The following SEM1 variants were observed in gnomAD, a reference collection of about 807,000 sequenced individuals.
SEM1 encodes 26S proteasome complex subunit SEM1.
SEM1 carries 3 observed loss-of-function variants against 12.7 expected under a neutral mutation model. That is an observed-to-expected ratio of 0.24 (90% CI 0.11 to 0.61). The LOEUF is 0.61. SEM1 is among the 20% of genes least tolerant of loss of function. The pLI, the probability that SEM1 is intolerant of heterozygous loss-of-function variation, is 0.88. For synonymous variants in SEM1, 30 were observed against 27.8 expected, an observed-to-expected ratio of 1.08 and a Z score of -0.25; for missense variants, 59 against 81.3, an observed-to-expected ratio of 0.73 and a Z score of 1.06.
At chr7:96,524,568 G>A (rs1804389272) in intron 2 of SEM1, among the ~76,000 whole-genome samples, 1 of 151,586 alleles carries the variant, frequency 6.6e-6, no homozygotes, top group Non-Finnish European at 1.5e-5. Context: ...AAATTTTCTA[G>A]TAAGTACATT....
At chr7:96,643,446 C>A (rs1157248707) in intron 2 of SEM1, among the ~76,000 whole-genome samples, 1 of 152,050 alleles carries the variant, frequency 6.6e-6, no homozygotes, top group Non-Finnish European at 1.5e-5. Flanking sequence ...GTTTGCTACA[C>A]CCATCAACCT....
intron 2 of SEM1, among the ~76,000 whole-genome samples, chr7:96,534,774 T>C (rs1804739723): frequency 6.6e-6 from 1 of 152,046 alleles, no homozygotes; most frequent in South Asian, 2.1e-4. Context: ...AAGCCAGACA[T>C]TGAAGAGATT....
intron 2 of SEM1, among the ~76,000 whole-genome samples, chr7:96,609,336 G>T (rs1467763783): frequency 6.6e-6 from 1 of 152,154 alleles, no homozygotes; most frequent in Non-Finnish European, 1.5e-5. Flanking sequence ...TTTCATCAAT[G>T]TTCCAGTGTA....
At chr7:96,521,922 A>G (rs555279788) in intron 2 of SEM1, among the ~76,000 whole-genome samples, 1 of 152,144 alleles carries the variant, frequency 6.6e-6, no homozygotes, top group Non-Finnish European at 1.5e-5. Context: ...CCCTTACACT[A>G]TAGAGTTACC....
At chr7:96,709,506 G>GC (rs1190031789) in intron 1 of SEM1, among the ~76,000 whole-genome samples, 182 bp downstream of exon 1, 15 of 152,198 alleles carry the variant, frequency 9.9e-5, no homozygotes, top group African/African-American at 3.6e-4. Context: ...GAGTCCCAGC[G>GC]CAACACCCCA....
At chr7:96,581,037 C>T (rs1449863195) in intron 2 of SEM1, among the ~76,000 whole-genome samples, 1 of 152,156 alleles carries the variant, frequency 6.6e-6, no homozygotes, top group Non-Finnish European at 1.5e-5. Context: ...GACATGAAGT[C>T]CTTGCCCATG....
At chr7:96,553,594 G>A (rs145169754) in intron 2 of SEM1, among the ~76,000 whole-genome samples, 2,525 of 152,264 alleles carry the variant, frequency 0.017, 52 homozygotes, top group East Asian at 0.071. Context: ...TTTGGTGACT[G>A]TAGCCTTGTA....
At chr7:96,586,778 A>G (rs1240091844) in intron 2 of SEM1, among the ~76,000 whole-genome samples, 2 of 152,192 alleles carry the variant, frequency 1.3e-5, no homozygotes, top group African/African-American at 2.4e-5. Flanking sequence ...CTAATGAAAT[A>G]GGTCCTGTTA....
chr7:96,704,919 C>T (rs990937621), intron 1 of SEM1, among the ~76,000 whole-genome samples: 20 of 152,212 alleles, frequency 1.3e-4, no homozygotes, highest in Non-Finnish European at 2.6e-4. Flanking sequence ...AGTTCTTCCT[C>T]GTGCAGGCAC....
chr7:96,670,028 A>G (rs1286756785), downstream of SEM1, among the ~76,000 whole-genome samples: 1 of 152,190 alleles, frequency 6.6e-6, no homozygotes, highest in Non-Finnish European at 1.5e-5. Context: ...CTAGTACATA[A>G]CTGAGCCAGG....
chr7:96,590,799 A>G (rs547909613), intron 2 of SEM1, among the ~76,000 whole-genome samples: 1 of 152,314 alleles, frequency 6.6e-6, no homozygotes, highest in Admixed American at 6.5e-5. Flanking sequence ...AAGTGTGGCT[A>G]TGCCAAAATC....
chr7:96,488,022 G>A (rs974898688), intron 1 of SEM1, among the ~76,000 whole-genome samples: 6 of 140,176 alleles, frequency 4.3e-5, no homozygotes, highest in Admixed American at 6.7e-5. Flanking sequence ...GAAGATATCC[G>A]TACTCATGTG....
intron 2 of SEM1, among the ~76,000 whole-genome samples, chr7:96,529,808 A>C (rs915360471): frequency 6.6e-6 from 1 of 152,134 alleles, no homozygotes; most frequent in Non-Finnish European, 1.5e-5. Flanking sequence ...TCCTCCTCTA[A>C]AAACAAACAC....
At chr7:96,661,686 C>T (rs544988499) in intron 2 of SEM1, among the ~76,000 whole-genome samples, 7 of 152,118 alleles carry the variant, frequency 4.6e-5, no homozygotes, top group African/African-American at 1.4e-4. Flanking sequence ...TAGTCAAAGG[C>T]GATTATTAAA....
At chr7:96,651,968 T>C (rs1809004078) in intron 2 of SEM1, among the ~76,000 whole-genome samples, 1 of 152,234 alleles carries the variant, frequency 6.6e-6, no homozygotes, top group Non-Finnish European at 1.5e-5. Context: ...GCAGAGCAGA[T>C]GGCCCTCAGT....
chr7:96,510,121 A>G (rs897512015), intron 2 of SEM1, among the ~76,000 whole-genome samples: 1 of 152,180 alleles, frequency 6.6e-6, no homozygotes. Flanking sequence ...TTAAATTCAA[A>G]TCTATTGTAT....
At chr7:96,681,018 G>A (rs969631335) in intron 2 of SEM1, among the ~76,000 whole-genome samples, 10 of 152,062 alleles carry the variant, frequency 6.6e-5, no homozygotes, top group Admixed American at 2.0e-4. Context: ...AGAGGATGAG[G>A]AGGGCAAGCA....
chr7:96,613,505 C>T (rs554975372), intron 2 of SEM1, among the ~76,000 whole-genome samples: 17 of 152,174 alleles, frequency 1.1e-4, no homozygotes, highest in Non-Finnish European at 2.2e-4. Flanking sequence ...GGCTAATTAG[C>T]GTATCTATCA....
intron 2 of SEM1, among the ~76,000 whole-genome samples, chr7:96,627,864 G>T (rs776169467): frequency 6.6e-6 from 1 of 152,058 alleles, no homozygotes; most frequent in African/African-American, 2.4e-5. Flanking sequence ...TGAAAATGGA[G>T]TGTTGAAGTC....
Sources: gnomAD v4.1 joint callset for allele counts (sites outside exome capture counted in the v4.1 genomes callset) on GRCh38, gnomAD v4.1.1 for gene constraint, MANE v1.5 for transcripts, NCBI Gene and HGNC (gene_info 2026-07-23, HGNC 2026-07-21) for gene names.